LRP1B: variants seen among roughly 807,000 people sequenced by gnomAD.
LRP1B encodes low-density lipoprotein receptor-related protein 1B.
Under a neutral mutation model 556.6 loss-of-function variants are expected in LRP1B, and 217 were observed. That is an observed-to-expected ratio of 0.39 (90% CI 0.35 to 0.44). The LOEUF is 0.44. Among genes scored for constraint, LRP1B ranks in the 20% least tolerant of loss-of-function variants. The pLI is 1.00. For missense variants in LRP1B, 5,053 were observed against 5,620.8 expected (o/e 0.90, Z 3.23); for synonymous variants, 2,047 against 1,865.8 (o/e 1.10, Z -2.50).
chr2:140,352,908 A>G (rs754200696), intron 76 of LRP1B, 45 bp downstream of exon 76: 6 of 1,560,096 alleles, frequency 3.8e-6, no homozygotes, highest in Non-Finnish European at 5.2e-6. Context: ...TAAAATGTTT[A>G]CAACAAAATT....
chr2:142,030,973 A>T (rs1703670792), intron 1 of LRP1B, among the ~76,000 whole-genome samples: 1 of 152,044 alleles, frequency 6.6e-6, no homozygotes, highest in East Asian at 1.9e-4. Flanking sequence ...TTGTTCTTAT[A>T]GACCTGTCAA....
Position 141,113,225 on chromosome 2 carries a change from C to T in LRP1B, c.1014-50952G>A, listed in dbSNP as rs1361129883. 2.0e-5 allele frequency among the ~76,000 whole-genome samples: 3 copies of T among 152,128 alleles called. No homozygotes were observed. The East Asian group carries it at 5.8e-4, about 29-fold the overall frequency. On this transcript the variant is annotated intron_variant, in intron 7 of 90. Coordinates refer to ENST00000389484, the MANE Select transcript of LRP1B (RefSeq NM_018557.3). ...GAAATTGCTGGCAAGAAAAAAATCTCTATCAAAGCACACAGTGAACCAAAG... is the reference window on the plus strand; with the variant it reads ...GAAATTGCTGGCAAGAAAAAAATCTTTATCAAAGCACACAGTGAACCAAAG...
chr2:140,458,242 A>G (rs973334080), intron 60 of LRP1B, among the ~76,000 whole-genome samples: 1 of 152,102 alleles, frequency 6.6e-6, no homozygotes, highest in African/African-American at 2.4e-5. Flanking sequence ...GGTAGAGGGA[A>G]ATAAGTGTGG....
At chr2:141,221,043 T>A (rs2105275597) in intron 6 of LRP1B, among the ~76,000 whole-genome samples, 1 of 152,124 alleles carries the variant, frequency 6.6e-6, no homozygotes, top group East Asian at 1.9e-4. Context: ...GATGACAGAA[T>A]CAAATTCACA....
chr2:140,899,170 G>A (rs538047159), intron 23 of LRP1B: 1 of 172,294 alleles, frequency 5.8e-6, no homozygotes, highest in Non-Finnish European at 1.2e-5. Context: ...CTGTTGGAGT[G>A]CTGCTGATTC....
chr2:140,704,613 A>C (rs1302107121), intron 37 of LRP1B, among the ~76,000 whole-genome samples: 1 of 152,146 alleles, frequency 6.6e-6, no homozygotes, highest in East Asian at 1.9e-4. Flanking sequence ...AATATTATTC[A>C]ATATAAAATA....
At chr2:141,731,028 G>T (rs755767459) in intron 2 of LRP1B, among the ~76,000 whole-genome samples, 7 of 152,178 alleles carry the variant, frequency 4.6e-5, no homozygotes, top group Non-Finnish European at 1.0e-4. Context: ...CCAACGGGGG[G>T]TGTGGGGAGA....
At chr2:141,360,961 G>T (rs1426264635) in intron 3 of LRP1B, among the ~76,000 whole-genome samples, 1 of 152,038 alleles carries the variant, frequency 6.6e-6, no homozygotes, top group Non-Finnish European at 1.5e-5. Flanking sequence ...TGCCATTTTA[G>T]AAGTCATTTT....
intron 1 of LRP1B, among the ~76,000 whole-genome samples, chr2:142,071,334 T>G (rs912650600): frequency 4.6e-5 from 7 of 151,980 alleles, no homozygotes; most frequent in African/African-American, 1.7e-4. Flanking sequence ...TCTGAACCAA[T>G]GCTTGTCATT....
intron 2 of LRP1B, among the ~76,000 whole-genome samples, chr2:141,750,197 A>G (rs1324289497): frequency 6.6e-6 from 1 of 152,170 alleles, no homozygotes; most frequent in Non-Finnish European, 1.5e-5. Flanking sequence ...CCCCAAATGT[A>G]TAACAACTTG....
At chr2:141,958,617 T>C (rs1701326867) in intron 1 of LRP1B, among the ~76,000 whole-genome samples, 1 of 152,056 alleles carries the variant, frequency 6.6e-6, no homozygotes, top group South Asian at 2.1e-4. Flanking sequence ...GATTTTTTAA[T>C]CAAGCTGCTT....
intron 2 of LRP1B, among the ~76,000 whole-genome samples, chr2:141,717,780 T>A (rs1692661921): frequency 6.6e-6 from 1 of 152,226 alleles, no homozygotes; most frequent in South Asian, 2.1e-4. Context: ...AATGATACTT[T>A]AAATTTTGGA....
At chr2:140,518,772 T>A (rs1690027038) in intron 49 of LRP1B, among the ~76,000 whole-genome samples, 1 of 152,172 alleles carries the variant, frequency 6.6e-6, no homozygotes, top group Admixed American at 6.5e-5. Context: ...TTTTTGCACA[T>A]TGATTTTGTA....
intron 2 of LRP1B, among the ~76,000 whole-genome samples, chr2:141,644,131 A>G (rs1689456728): frequency 6.6e-6 from 1 of 151,742 alleles, no homozygotes; most frequent in African/African-American, 2.4e-5. Context: ...TTTCCCCCAC[A>G]CAATGATAGT....
intron 31 of LRP1B, among the ~76,000 whole-genome samples, chr2:140,827,344 T>C (rs1691544897): frequency 6.6e-6 from 1 of 152,078 alleles, no homozygotes. Context: ...ATGGTAGTTC[T>C]GAAGAAACTC....
At chr2:141,614,267 T>C (rs10164881) in intron 2 of LRP1B, among the ~76,000 whole-genome samples, 9,248 of 152,050 alleles carry the variant, frequency 0.061, 943 homozygotes, top group African/African-American at 0.21. Context: ...GAACACACTT[T>C]GAAAAATTCC....
intron 32 of LRP1B, among the ~76,000 whole-genome samples, chr2:140,811,201 C>G (rs960086047): frequency 6.6e-6 from 1 of 152,182 alleles, no homozygotes; most frequent in African/African-American, 2.4e-5. Context: ...GATGTCATAA[C>G]AGATTCACAG....
At chr2:141,314,855 T>C (rs1371498278) in intron 3 of LRP1B, among the ~76,000 whole-genome samples, 1 of 126,928 alleles carries the variant, frequency 7.9e-6, no homozygotes, top group Admixed American at 7.9e-5. Flanking sequence ...CACATATATA[T>C]ACATATATAT....
chr2:141,094,521 G>T (rs76642010), intron 7 of LRP1B, among the ~76,000 whole-genome samples: 2 of 152,068 alleles, frequency 1.3e-5, no homozygotes, highest in African/African-American at 4.8e-5. Flanking sequence ...AAAGCTACAC[G>T]AGCAGGAGAC....
Sources: allele counts gnomAD v4.1 joint callset (sites outside exome capture counted in the v4.1 genomes callset), GRCh38; gene constraint gnomAD v4.1.1; transcripts MANE v1.5; gene names NCBI Gene and HGNC (gene_info 2026-07-23, HGNC 2026-07-21).